Variants in SLC24A1 observed in about 807,000 individuals in gnomAD.
SLC24A1 encodes sodium/potassium/calcium exchanger 1.
In SLC24A1, 52 loss-of-function variants were observed where a neutral mutation model predicts 88.1. The ratio of observed to expected loss-of-function variants is 0.59; its 90% CI spans 0.47 to 0.74. The LOEUF (loss-of-function observed/expected upper bound fraction) is 0.74, where lower values mean the gene tolerates loss of function less well. Ranked by LOEUF, SLC24A1 falls within the 30% of genes least tolerant of loss-of-function variation. The pLI is 0.00. For missense variants in SLC24A1, 1,173 were observed against 1,363.3 expected, an observed-to-expected ratio of 0.86 and a Z score of 2.20; for synonymous variants, 455 against 498.0, an observed-to-expected ratio of 0.91 and a Z score of 1.15.
intron 9 of SLC24A1, 181 bp downstream of exon 9, chr15:65,652,989 G>C: frequency 2.2e-6 from 1 of 454,398 alleles, no homozygotes; most frequent in Non-Finnish European, 3.8e-6. Flanking sequence ...TGGGATAATA[G>C]ACCTAAAATG....
intron 5 of SLC24A1, 114 bp from the exon 6 acceptor site, chr15:65,645,498 C>A: frequency 1.3e-6 from 1 of 777,046 alleles, no homozygotes; most frequent in Non-Finnish European, 2.2e-6. Flanking sequence ...CCCAAATAAA[C>A]CTTCAGAAAC....
At position 65,650,519 on chromosome 15, in the gene SLC24A1, A is replaced by C; in HGVS notation, c.2370A>C (p.Lys790Asn). ...EGEGETETQG[K>N]GEECEDENEA... ...AAGGTGAAACTGAAACACAAGGAAA[A>C]GGAGAAGAATGTGAAGATGAAAATG... The change falls in exon 7 of 10, where the codon AAA becomes AAC. Residue 790 changes from lysine (K) to asparagine (N), a missense_variant. By Grantham distance (94) the Lys-to-Asn change is moderately conservative. Coordinates refer to ENST00000261892, the MANE Select transcript of SLC24A1 (RefSeq NM_004727.3). The surrounding 1 kb of genome is among the most constrained non-coding windows in gnomAD (Gnocchi z 4.1). 6.4e-7 allele frequency: 1 copy of C among 1,551,830 alleles called. No homozygotes were observed. Among genetic ancestry groups the C allele is most frequent in the Middle Eastern group, 1.7e-4 (1 of 5,996 alleles).
chr15:65,639,906 C>A (rs1293338346), intron 4 of SLC24A1, among the ~76,000 whole-genome samples: 2 of 152,184 alleles, frequency 1.3e-5, no homozygotes, highest in African/African-American at 4.8e-5. Context: ...GAGAGGGCAA[C>A]AAAGAACATG....
upstream of SLC24A1, among the ~76,000 whole-genome samples, chr15:65,618,093 G>C (rs995345747): frequency 2.6e-5 from 4 of 152,198 alleles, no homozygotes; most frequent in Non-Finnish European, 4.4e-5. Context: ...CCTCAAGTAT[G>C]ATTCTAGCCA....
rs1284681345 is a variant in SLC24A1, at chr15:65,650,765, G to GGAGGAGGAGGAA, written c.2620_2631dup (p.Glu874_Glu877dup). 6.2e-7 allele frequency: 1 copy of GGAGGAGGAGGAA among 1,603,876 alleles called. No homozygotes were observed. The highest frequency in any genetic ancestry group is 8.5e-7 in the Non-Finnish European group (1 of 1,174,726). On this transcript the variant is annotated inframe_insertion, in exon 7 of 10. Coordinates refer to ENST00000261892, the MANE Select transcript of SLC24A1 (RefSeq NM_004727.3). This position sits in a 1 kb window ranked among gnomAD's most constrained non-coding sequence, Gnocchi z 4.1. ...AGGAGGAGGAAGAGCAGGAGGAAGA[G>GGAGGAGGAGGAA]GAGGAGGAGGAAGAGCAGGAGGAAG...
intron 2 of SLC24A1, among the ~76,000 whole-genome samples, chr15:65,632,587 G>T (rs557134187): frequency 6.6e-6 from 1 of 152,258 alleles, no homozygotes; most frequent in Non-Finnish European, 1.5e-5. Context: ...TTAAAATCAA[G>T]AACTGGCTGA....
rs1296079195 is a variant in SLC24A1, at chr15:65,650,255, GT to G, written c.2233-123del. Reference sequence around the variant, plus strand: ...GGAATTCTGCTGAATTATCGCACTAGTTTTCTCCTCATACTTAAGTTTTCAG... The same window carrying G: ...GGAATTCTGCTGAATTATCGCACTAGTTTCTCCTCATACTTAAGTTTTCAG... On this transcript the variant is annotated intron_variant, in intron 6 of 9. Transcript: ENST00000261892. This position sits in a 1 kb window ranked among gnomAD's most constrained non-coding sequence, Gnocchi z 4.1. The G allele has an allele frequency of 5.6e-6, 4 of 711,374 alleles. No homozygotes were observed. Among genetic ancestry groups the G allele is most frequent in the Non-Finnish European group, 9.4e-6 (4 of 426,600 alleles). The allele number at this position is 711,374 out of a possible 1,614,324, so 44.1% of individuals were successfully genotyped here.
downstream of SLC24A1, chr15:65,660,576 CAAAG>C: frequency 2.7e-6 from 1 of 369,062 alleles, no homozygotes. Context: ...AGAAATTACC[CAAAG>C]AAAGTTACAT....
At chr15:65,660,298 T>C, downstream of SLC24A1, 2 of 1,535,370 alleles carry the variant, frequency 1.3e-6, no homozygotes, top group Non-Finnish European at 1.7e-6. Context: ...CTGTGAAATG[T>C]TTCAGCATGG....
At position 65,650,301 on chromosome 15, in the gene SLC24A1, C is replaced by A. The variant is rs2075451707; in HGVS notation, c.2233-81C>A. ...TTTCAGATACCTTCTGAGAAGCACG[C>A]CAACAAAAAAATGGGGGAGTAACAT... On this transcript the variant is annotated intron_variant, in intron 6 of 9. Transcript: ENST00000261892. The surrounding 1 kb of genome is among the most constrained non-coding windows in gnomAD (Gnocchi z 4.1). 2.5e-6 allele frequency: 3 copies of A among 1,216,172 alleles called. No individual in the cohort carries two copies. The highest frequency in any genetic ancestry group is 3.4e-6 in the Non-Finnish European group (3 of 872,784). 75.3% of individuals were successfully genotyped at this position (1,216,172 alleles called of 1,614,324 possible).
Position 65,655,661 on chromosome 15 carries a change from G to A in SLC24A1, c.*1582G>A. On this transcript the variant is annotated 3_prime_UTR_variant, in exon 10 of 10. Transcript: ENST00000261892. ...GGCTTTAATTACAAACATGAGGAAT[G>A]ATTCACTGAAGATGAAAAGATAGGA... 2.0e-6 allele frequency: 2 copies of A among 985,352 alleles called. No individual in the cohort carries two copies. The highest frequency in any genetic ancestry group is 2.4e-6 in the Non-Finnish European group (2 of 829,908). The allele number at this position is 985,352 out of a possible 1,614,324, so 61.0% of individuals were successfully genotyped here.
intron 1 of SLC24A1, among the ~76,000 whole-genome samples, chr15:65,622,529 T>A (rs2074354203): frequency 6.6e-6 from 1 of 152,166 alleles, no homozygotes; most frequent in Non-Finnish European, 1.5e-5. Context: ...ATTCCATGGG[T>A]TACTCAGCTC....
chr15:65,618,681 T>A (rs1484792163), upstream of SLC24A1, among the ~76,000 whole-genome samples: 2 of 152,214 alleles, frequency 1.3e-5, no homozygotes, highest in Non-Finnish European at 2.9e-5. Flanking sequence ...TTACTCTTTG[T>A]CAGCTTACAG....
downstream of SLC24A1, among the ~76,000 whole-genome samples, chr15:65,656,847 CTA>C (rs1049199398): frequency 5.3e-5 from 8 of 152,262 alleles, no homozygotes; most frequent in South Asian, 4.1e-4. Context: ...ATTTTTCAAA[CTA>C]TGTGTTTAAA....
At chr15:65,659,698 TGTTTTAG>T (rs1201070459), downstream of SLC24A1, 3 of 152,438 alleles carry the variant, frequency 2.0e-5, no homozygotes, top group African/African-American at 7.2e-5. Context: ...TTTGTATTTG[TGTTTTAG>T]GTTTTAAGAC....
chr15:65,633,637 G>A (rs1037711540), intron 2 of SLC24A1, among the ~76,000 whole-genome samples: 1 of 152,186 alleles, frequency 6.6e-6, no homozygotes, highest in African/African-American at 2.4e-5. Flanking sequence ...TCCAGCCTGG[G>A]TGACAGAGTG....
intron 4 of SLC24A1, chr15:65,643,136 C>T: frequency 1.3e-6 from 1 of 758,070 alleles, no homozygotes; most frequent in Non-Finnish European, 2.0e-6. Flanking sequence ...TGTATAAATT[C>T]ATTTACTTTG....
At chr15:65,612,305 G>C (rs1048651874) in intron 1 of SLC24A1, 1 of 152,326 alleles carries the variant, frequency 6.6e-6, no homozygotes, top group African/African-American at 2.4e-5. Flanking sequence ...GTACAGAAAG[G>C]CCTCTAGAAG....
intron 2 of SLC24A1, among the ~76,000 whole-genome samples, chr15:65,636,298 C>A (rs961731220): frequency 6.6e-6 from 1 of 151,980 alleles, no homozygotes; most frequent in African/African-American, 2.4e-5. Flanking sequence ...CTACAAAAAA[C>A]AAAAAAACGT....
Sources: gnomAD v4.1 joint callset for allele counts (sites outside exome capture counted in the v4.1 genomes callset) on GRCh38, gnomAD v4.1.1 for gene constraint, Gnocchi (gnomAD v3.1) non-coding constraint, MANE v1.5 for transcripts, NCBI Gene and HGNC (gene_info 2026-07-23, HGNC 2026-07-21) for gene names.